The following SOBP variants were observed in gnomAD, a reference collection of about 807,000 sequenced individuals.
SOBP encodes sine oculis-binding protein homolog.
A neutral mutation model predicts 53.6 loss-of-function variants in SOBP; 4 were observed. That is an observed-to-expected ratio of 0.07 (90% CI 0.04 to 0.17). The LOEUF (loss-of-function observed/expected upper bound fraction) is 0.17. Among genes scored for constraint, SOBP ranks in the 10% least tolerant of loss-of-function variants. The pLI, the probability that SOBP is intolerant of heterozygous loss-of-function variation, is 1.00. For synonymous variants in SOBP, 584 were observed against 522.6 expected (o/e 1.12, Z -1.60); for missense variants, 1,088 against 1,204.7 (o/e 0.90, Z 1.43).
chr6:107,490,855 G>A (rs1782562373), intron 1 of SOBP, 143 bp downstream of exon 1: 2 of 671,678 alleles, frequency 3.0e-6, no homozygotes, highest in Non-Finnish European at 2.7e-6. Flanking sequence ...CCTCCTCCAG[G>A]TGTAAAGCAG....
At chr6:107,597,062 A>C (rs1433279303) in intron 5 of SOBP, among the ~76,000 whole-genome samples, 1 of 152,058 alleles carries the variant, frequency 6.6e-6, no homozygotes, top group Admixed American at 6.6e-5. Context: ...CCTGATTTTG[A>C]TATTGGAGCA....
At chr6:107,645,384 T>C (rs1460201028) in intron 6 of SOBP, among the ~76,000 whole-genome samples, 2 of 152,086 alleles carry the variant, frequency 1.3e-5, no homozygotes, top group African/African-American at 4.8e-5. Flanking sequence ...CATTTTGCAC[T>C]AACAATATCT....
chr6:107,504,377 T>A (rs537009319), intron 2 of SOBP, among the ~76,000 whole-genome samples: 11 of 152,334 alleles, frequency 7.2e-5, no homozygotes, highest in Non-Finnish European at 2.9e-5. Context: ...AAGAATTTTT[T>A]AATCAAAGCC....
chr6:107,651,809 G>A (rs1771813042), intron 6 of SOBP, among the ~76,000 whole-genome samples: 1 of 152,126 alleles, frequency 6.6e-6, no homozygotes, highest in Non-Finnish European at 1.5e-5. Flanking sequence ...TTCACTTACT[G>A]TTCTGAAAAT....
intron 5 of SOBP, among the ~76,000 whole-genome samples, chr6:107,595,330 G>A (rs1378923212): frequency 7.2e-6 from 1 of 139,668 alleles, no homozygotes; most frequent in Non-Finnish European, 1.5e-5. Flanking sequence ...TTAAAAGTCT[G>A]ACTGCTATAG....
chr6:107,547,526 G>A (rs9486644), intron 4 of SOBP, among the ~76,000 whole-genome samples: 11,888 of 152,134 alleles, frequency 0.078, 1,036 homozygotes, highest in African/African-American at 0.21. Flanking sequence ...GATTAAATGT[G>A]TTTTTATTAT....
intron 5 of SOBP, among the ~76,000 whole-genome samples, chr6:107,600,389 A>G (rs1407464678): frequency 6.6e-6 from 1 of 152,190 alleles, no homozygotes; most frequent in East Asian, 1.9e-4. Flanking sequence ...TGCTGCTAGG[A>G]GACTGGTTCT....
At chr6:107,575,476 A>G (rs1359049107) in intron 4 of SOBP, among the ~76,000 whole-genome samples, 2 of 152,110 alleles carry the variant, frequency 1.3e-5, no homozygotes, top group East Asian at 3.9e-4. Context: ...ATCTAGAGCA[A>G]CACTGGGTGG....
At chr6:107,607,363 A>C (rs776065323) in intron 5 of SOBP, among the ~76,000 whole-genome samples, 1 of 152,246 alleles carries the variant, frequency 6.6e-6, no homozygotes, top group Non-Finnish European at 1.5e-5. Context: ...GGACAGGCCC[A>C]ACATGAAATA....
intron 5 of SOBP, among the ~76,000 whole-genome samples, chr6:107,589,920 A>C (rs1277775804): frequency 6.6e-6 from 1 of 152,224 alleles, no homozygotes; most frequent in African/African-American, 2.4e-5. Flanking sequence ...AACTTTTAAT[A>C]AAAGAAAATG....
chr6:107,500,948 C>G (rs1782831150), intron 1 of SOBP, among the ~76,000 whole-genome samples: 1 of 152,174 alleles, frequency 6.6e-6, no homozygotes, highest in Non-Finnish European at 1.5e-5. Flanking sequence ...CGTTTTCTCT[C>G]TTTCATCTTG....
At chr6:107,619,149 CAT>C (rs758292510) in intron 5 of SOBP, among the ~76,000 whole-genome samples, 1 of 152,150 alleles carries the variant, frequency 6.6e-6, no homozygotes, top group Non-Finnish European at 1.5e-5. Flanking sequence ...GAACCCTTAT[CAT>C]GTGCAGGATG....
chr6:107,544,640 G>A (rs1218870032), intron 4 of SOBP, among the ~76,000 whole-genome samples: 1 of 152,176 alleles, frequency 6.6e-6, no homozygotes, highest in Non-Finnish European at 1.5e-5. Flanking sequence ...AGAGCTTATT[G>A]GGCTGAGGAC....
intron 5 of SOBP, among the ~76,000 whole-genome samples, chr6:107,621,520 G>A (rs1205958141): frequency 2.0e-5 from 3 of 152,086 alleles, no homozygotes; most frequent in East Asian, 1.9e-4. Context: ...TCCCTCCCAC[G>A]TATCTAGGAA....
intron 3 of SOBP, among the ~76,000 whole-genome samples, chr6:107,532,871 G>A (rs1203873806): frequency 3.9e-5 from 6 of 152,198 alleles, no homozygotes; most frequent in African/African-American, 9.6e-5. Context: ...GTCCCTTTCC[G>A]TTGCCAGAAT....
chr6:107,611,956 CATCCTCTATACCTTTCATGA>C (rs1371729046), intron 5 of SOBP, among the ~76,000 whole-genome samples: 1 of 152,204 alleles, frequency 6.6e-6, no homozygotes, highest in Non-Finnish European at 1.5e-5. Context: ...ATATGCATTA[CATCCTCTATACCTTTCATGA>C]ATATCTTGCC....
At chr6:107,541,541 A>G (rs1306590718) in intron 4 of SOBP, among the ~76,000 whole-genome samples, 3 of 151,942 alleles carry the variant, frequency 2.0e-5, no homozygotes, top group African/African-American at 4.8e-5. Flanking sequence ...TCCCACTCCC[A>G]CTCCAATAAC....
chr6:107,604,800 C>T (rs1468047867), intron 5 of SOBP, among the ~76,000 whole-genome samples: 1 of 152,176 alleles, frequency 6.6e-6, no homozygotes, highest in African/African-American at 2.4e-5. Flanking sequence ...ACCTTGGAGC[C>T]TCCGAATCTC....
In SOBP at chr6:107,635,221, G is replaced by A. The variant is rs1187330914; in HGVS notation, c.2377G>A (p.Glu793Lys). Residue 793 changes from glutamate (E) to lysine (K), a missense_variant, in exon 6 of 7, where the codon GAG (glutamate) becomes AAG (lysine). Glu to Lys is a moderately conservative substitution (Grantham distance 56). Coordinates refer to ENST00000317357, the MANE Select transcript of SOBP (RefSeq NM_018013.4). This position sits in a 1 kb window ranked among gnomAD's most constrained non-coding sequence, Gnocchi z 4.5. Reference protein sequence around the residue: ...DGEAAKKLMGEEALAGGDKSD... With the variant: ...DGEAAKKLMGKEALAGGDKSD... The stretch of plus-strand genomic sequence containing the variant: ...GGAGGCGGCCAAAAAGCTGATGGGC[G>A]AGGAGGCCCTGGCGGGGGGCGACAA... 6.2e-7 allele frequency: 1 copy of A among 1,613,918 alleles called. No homozygotes were observed. The highest frequency in any genetic ancestry group is 1.7e-5 in the Admixed American group (1 of 60,018).
Sources: gnomAD v4.1 joint callset for allele counts (sites outside exome capture counted in the v4.1 genomes callset) on GRCh38, gnomAD v4.1.1 for gene constraint, Gnocchi (gnomAD v3.1) non-coding constraint, MANE v1.5 for transcripts, NCBI Gene and HGNC (gene_info 2026-07-23, HGNC 2026-07-21) for gene names.